Variants in DNAAF4 observed in about 807,000 individuals in gnomAD.
DNAAF4 encodes dynein assembly factor 4, axonemal.
Under a neutral mutation model 51.8 loss-of-function variants are expected in DNAAF4, and 43 were observed. The ratio of observed to expected loss-of-function variants is 0.83; its 90% CI spans 0.65 to 1.07. The LOEUF (loss-of-function observed/expected upper bound fraction) is 1.07. DNAAF4 is among the 50% of genes least tolerant of loss of function. DNAAF4 has a pLI of 0.00. For missense variants in DNAAF4, 581 were observed against 493.0 expected, an observed-to-expected ratio of 1.18 and a Z score of -1.69; for synonymous variants, 194 against 165.6, an observed-to-expected ratio of 1.17 and a Z score of -1.32.
In DNAAF4 at chr15:55,456,309, C is replaced by T. The variant is rs919023258; in HGVS notation, c.638-5942G>A. Among the ~76,000 whole-genome samples the T allele has an allele frequency of 4.6e-5, 7 of 151,882 alleles. No homozygotes were observed. In the East Asian group the frequency reaches 7.8e-4, roughly 17 times the overall value. On this transcript the variant is annotated intron_variant, in intron 5 of 9. Transcript: ENST00000321149. ...GTTGGTCAGGCTAGTCTTGAACACC[C>T]GACTTCAGGTGATCTGCCCGCCTCA...
chr15:55,496,298 T>C (rs2058640575), intron 3 of DNAAF4, among the ~76,000 whole-genome samples: 2 of 152,206 alleles, frequency 1.3e-5, no homozygotes, highest in Non-Finnish European at 2.9e-5. Flanking sequence ...GGAAAGCTTT[T>C]CAAAACTTCC....
At chr15:55,438,227 T>G (rs1051792067) in intron 7 of DNAAF4, among the ~76,000 whole-genome samples, 1 of 151,732 alleles carries the variant, frequency 6.6e-6, no homozygotes, top group African/African-American at 2.4e-5. Context: ...GGCAGGCGCC[T>G]GTAATCCCAG....
In DNAAF4 at chr15:55,498,212, G is replaced by T. The variant is rs751393541; in HGVS notation, c.118C>A (p.Leu40Met). 2.8e-5 allele frequency: 45 copies of T among 1,614,024 alleles called. 2 individuals are homozygous for T. The South Asian group carries it at 4.7e-4, about 17-fold the overall frequency. ...GGCAAGACTTGCATTCTTACCTTCA[G>T]ATAGTTTTCCGTGCAGAACACGTCC... Reference protein sequence around the residue: ...DTDVFCTENYLKVNFPPFLFE... With the variant: ...DTDVFCTENYMKVNFPPFLFE... Residue 40 changes from leucine (L) to methionine (M), a missense_variant, in exon 2 of 10, where the codon CTG becomes ATG. Leu to Met is a conservative substitution (Grantham distance 15). Coordinates refer to ENST00000321149, the MANE Select transcript of DNAAF4 (RefSeq NM_130810.4).
intron 5 of DNAAF4, among the ~76,000 whole-genome samples, chr15:55,462,977 G>A (rs2058114868): frequency 6.6e-6 from 1 of 152,172 alleles, no homozygotes; most frequent in South Asian, 2.1e-4. Flanking sequence ...TTTGAGGCCA[G>A]CCTGGCCAAC....
At chr15:55,499,026 A>T (rs2141606556) in intron 1 of DNAAF4, among the ~76,000 whole-genome samples, 1 of 152,132 alleles carries the variant, frequency 6.6e-6, no homozygotes, top group South Asian at 2.1e-4. Context: ...GCAGCCCATG[A>T]GGAGCAGGTG....
chr15:55,430,284 A>G (rs1239549971), downstream of DNAAF4: 4 of 649,626 alleles, frequency 6.2e-6, no homozygotes, highest in Admixed American at 1.3e-4. Flanking sequence ...AGTCAATTAA[A>G]TGGTATATTA....
At chr15:55,463,104 G>A (rs1256220658) in intron 5 of DNAAF4, among the ~76,000 whole-genome samples, 1 of 150,712 alleles carries the variant, frequency 6.6e-6, no homozygotes, top group Non-Finnish European at 1.5e-5. Context: ...AATTTGGGAG[G>A]CAGAGGTTGC....
At chr15:55,436,533 C>A (rs1162206098) in intron 7 of DNAAF4, among the ~76,000 whole-genome samples, 1 of 151,716 alleles carries the variant, frequency 6.6e-6, no homozygotes, top group Non-Finnish European at 1.5e-5. Flanking sequence ...TACAGGTGTG[C>A]GCCACAATGC....
chr15:55,495,290 G>A (rs2058626489), intron 3 of DNAAF4: 1 of 149,400 alleles, frequency 6.7e-6, no homozygotes, highest in South Asian at 2.1e-4. Flanking sequence ...CTGAATACCC[G>A]ATCTTAGAAA....
intron 1 of DNAAF4, among the ~76,000 whole-genome samples, chr15:55,502,319 T>C (rs1456275630): frequency 6.6e-6 from 1 of 152,102 alleles, no homozygotes; most frequent in East Asian, 1.9e-4. Flanking sequence ...CTACCCCAAA[T>C]TATGACACTT....
At position 55,430,327 on chromosome 15, in the gene DNAAF4, T is replaced by C. The variant is rs972089768; in HGVS notation, c.*343A>G. On this transcript the variant is annotated 3_prime_UTR_variant, in exon 10 of 10. Coordinates refer to ENST00000321149, the MANE Select transcript of DNAAF4 (RefSeq NM_130810.4). ...CAAAAGTTATTTATAAATCTTTTATTTTAAAATTCTACCTTGTTAAAAATT... is the reference window on the plus strand; with the variant it reads ...CAAAAGTTATTTATAAATCTTTTATCTTAAAATTCTACCTTGTTAAAAATT... 3 of 903,196 alleles carry C rather than the reference T, an allele frequency of 3.3e-6. No individual in the cohort carries two copies. Among genetic ancestry groups the C allele is most frequent in the South Asian group, 5.1e-5 (1 of 19,724 alleles). The allele number at this position is 903,196 out of a possible 1,614,324, so 55.9% of individuals were successfully genotyped here. A position where few individuals can be genotyped will look rare whatever the true frequency, so the allele number is the denominator to read the frequency against.
At chr15:55,454,708 T>C (rs1266066725) in intron 5 of DNAAF4, among the ~76,000 whole-genome samples, 8 of 152,080 alleles carry the variant, frequency 5.3e-5, no homozygotes, top group African/African-American at 1.4e-4. Flanking sequence ...TTGAAGACAA[T>C]AGTTTTGAAA....
chr15:55,475,357 GA>G (rs1459466533), intron 4 of DNAAF4, among the ~76,000 whole-genome samples: 2 of 152,136 alleles, frequency 1.3e-5, no homozygotes, highest in Admixed American at 1.3e-4. Flanking sequence ...ACTACAAAGA[GA>G]AAAGTCTTTA....
Position 55,448,424 on chromosome 15 carries a change from C to A in DNAAF4, c.783+1798G>T, listed in dbSNP as rs377615323. 5.8e-5 allele frequency among the ~76,000 whole-genome samples: 8 copies of A among 137,616 alleles called. No individual in the cohort carries two copies. In the South Asian group the frequency reaches 1.6e-3, roughly 27 times the overall value. 90.3% of individuals were successfully genotyped at this position (137,616 alleles called of 152,430 possible). A position where few individuals can be genotyped will look rare whatever the true frequency, so the allele number is the denominator to read the frequency against. ...AAATATGCAGAAGGTCACTTGAGCCCAAGAGTTCAAGGCTACAGTGAGCCA... is the reference window on the plus strand; with the variant it reads ...AAATATGCAGAAGGTCACTTGAGCCAAAGAGTTCAAGGCTACAGTGAGCCA... On this transcript the variant is annotated intron_variant, in intron 6 of 9. Transcript: ENST00000321149.
chr15:55,472,273 A>G (rs745564551), intron 4 of DNAAF4, among the ~76,000 whole-genome samples: 58 of 152,208 alleles, frequency 3.8e-4, no homozygotes, highest in South Asian at 8.3e-4. Context: ...ACACGGAGGA[A>G]TATGCAGTAA....
At chr15:55,463,172 TCACACACACACACA>T (rs3221985) in intron 5 of DNAAF4, among the ~76,000 whole-genome samples, 4 of 140,288 alleles carry the variant, frequency 2.9e-5, no homozygotes, top group South Asian at 2.2e-4. Context: ...AGACTCTGTC[TCACACACACACACA>T]CACACACACA....
intron 7 of DNAAF4, among the ~76,000 whole-genome samples, chr15:55,421,125 G>A (rs1273155103): frequency 2.0e-5 from 3 of 149,068 alleles, no homozygotes; most frequent in African/African-American, 5.0e-5. Context: ...AGGAGGCAGA[G>A]GTTGCAGTGA....
At chr15:55,457,750 C>G (rs1330162245) in intron 5 of DNAAF4, among the ~76,000 whole-genome samples, 1 of 152,188 alleles carries the variant, frequency 6.6e-6, no homozygotes, top group East Asian at 1.9e-4. Flanking sequence ...ATAACCAGTA[C>G]TTGAAGTGCA....
intron 7 of DNAAF4, among the ~76,000 whole-genome samples, chr15:55,419,609 A>C (rs1015370190): frequency 1.8e-4 from 28 of 152,110 alleles, no homozygotes; most frequent in African/African-American, 6.8e-4. Flanking sequence ...TAATTTATTG[A>C]TAGATTGAGC....
Sources: gnomAD v4.1 joint callset for allele counts (sites outside exome capture counted in the v4.1 genomes callset) on GRCh38, gnomAD v4.1.1 for gene constraint, MANE v1.5 for transcripts, NCBI Gene and HGNC (gene_info 2026-07-23, HGNC 2026-07-21) for gene names.